Variants in ZNF415 observed in about 807,000 individuals in gnomAD.
The protein encoded by ZNF415 is zinc finger protein 415.
A neutral mutation model predicts 7.3 loss-of-function variants in ZNF415; 5 were observed. The ratio of observed to expected loss-of-function variants is 0.69; its 90% CI spans 0.36 to 1.44. The LOEUF is 1.44. ZNF415 is among the 40% of genes most tolerant of loss of function. The pLI is 0.04. For missense variants in ZNF415, 628 were observed against 664.8 expected (o/e 0.94, Z 0.61); for synonymous variants, 207 against 226.3 (o/e 0.91, Z 0.77).
rs1410295819 is a variant in ZNF415 at position 53,116,609 on chromosome 19, C to CTTTTTTTT, written c.16-177_16-176insAAAAAAAA. On this transcript the variant is annotated intron_variant, in intron 2 of 3. Transcript: ENST00000243643. ...TCTCTCCCTAATTGTGGTTTTTTTT[C>CTTTTTTTT]TCTCTTTTTTTTTTTTTTTGGTTTG... is the stretch of plus-strand genomic sequence containing the variant. Among the ~76,000 whole-genome samples, 473 of 80,886 alleles carry CTTTTTTTT rather than the reference C, an allele frequency of 5.8e-3. 8 individuals carry two copies. Among genetic ancestry groups the CTTTTTTTT allele is most frequent in the African/African-American group, 0.023 (448 of 19,842 alleles). 53.1% of individuals were successfully genotyped at this position (80,886 alleles called of 152,430 possible).
intron 3 of ZNF415, among the ~76,000 whole-genome samples, chr19:53,113,073 C>T (rs1479880856): frequency 2.4e-5 from 3 of 122,488 alleles, no homozygotes; most frequent in African/African-American, 6.4e-5. Flanking sequence ...GCAACAAGAG[C>T]GAAACTCCAT....
At chr19:53,129,410 A>C (rs2089746993) in intron 1 of ZNF415, among the ~76,000 whole-genome samples, 1 of 152,202 alleles carries the variant, frequency 6.6e-6, no homozygotes, top group Admixed American at 6.5e-5. Flanking sequence ...AAAGGCCCCG[A>C]AGATGGTCTC....
At chr19:53,116,144 GA>G in intron 3 of ZNF415, 168 bp downstream of exon 3, 2 of 803,820 alleles carry the variant, frequency 2.5e-6, no homozygotes, top group South Asian at 1.8e-5. Context: ...AGAAAATCTG[GA>G]AAAAGGGGAT....
intron 3 of ZNF415, among the ~76,000 whole-genome samples, chr19:53,110,653 C>T (rs2086093850): frequency 6.6e-6 from 1 of 152,168 alleles, no homozygotes; most frequent in Non-Finnish European, 1.5e-5. Flanking sequence ...AGTAACTACA[C>T]TTGTACAAAG....
Position 53,109,154 on chromosome 19 carries a change from C to A in ZNF415, c.891G>T (p.Glu297Asp), listed in dbSNP as rs1600986156. The A allele has an allele frequency of 6.2e-7, 1 of 1,614,108 alleles. No homozygotes were observed. Among genetic ancestry groups the A allele is most frequent in the Non-Finnish European group, 8.5e-7 (1 of 1,180,020 alleles). The change falls in exon 4 of 4, where the codon GAG becomes GAT. Residue 297 changes from glutamate to aspartate, a missense_variant. Transcript: ENST00000243643. ...LALHRRVHTG[E>D]KPYKCYECDK... The stretch of plus-strand genomic sequence containing the variant: ...CACACTCATAACATTTGTAAGGTTT[C>A]TCTCCAGTGTGAACTCTCCGATGTA...
intron 2 of ZNF415, among the ~76,000 whole-genome samples, chr19:53,118,289 T>C (rs55816705): frequency 0.12 from 18,029 of 152,110 alleles, 1,150 homozygotes; most frequent in African/African-American, 0.17. Flanking sequence ...CACCCAACAC[T>C]GGAGCATCCA....
At chr19:53,129,082 C>A (rs1448244467) in intron 1 of ZNF415, among the ~76,000 whole-genome samples, 1 of 152,014 alleles carries the variant, frequency 6.6e-6, no homozygotes, top group East Asian at 1.9e-4. Context: ...TCAGTCTAGA[C>A]CCGAAGGAGG....
chr19:53,110,017 T>G, intron 3 of ZNF415, 109 bp from the exon 4 acceptor site: 1 of 836,188 alleles, frequency 1.2e-6, no homozygotes, highest in Non-Finnish European at 1.7e-6. Context: ...ACAACAGAGT[T>G]ATAAAACTTC....
chr19:53,119,834 AC>A (rs1301142988), intron 2 of ZNF415, among the ~76,000 whole-genome samples: 1 of 152,104 alleles, frequency 6.6e-6, no homozygotes, highest in Non-Finnish European at 1.5e-5. Flanking sequence ...GACACGAAGC[AC>A]CAAGACTGAA....
intron 2 of ZNF415, among the ~76,000 whole-genome samples, chr19:53,119,664 C>T (rs998284910): frequency 2.0e-5 from 3 of 151,652 alleles, no homozygotes; most frequent in Admixed American, 2.0e-4. Context: ...CTATAAACTA[C>T]TAGCTAGATT....
chr19:53,127,151 C>T (rs1453439281), intron 1 of ZNF415, among the ~76,000 whole-genome samples: 5 of 147,122 alleles, frequency 3.4e-5, no homozygotes, highest in Admixed American at 6.9e-5. Flanking sequence ...GATAATCACT[C>T]CCTCTTGAGT....
At chr19:53,119,115 TAA>T (rs545716397) in intron 2 of ZNF415, among the ~76,000 whole-genome samples, 31 of 151,802 alleles carry the variant, frequency 2.0e-4, no homozygotes, top group Middle Eastern at 3.4e-3. Context: ...CCGCTTCTAC[TAA>T]AAAAATACAA....
chr19:53,128,687 T>C (rs1057192215), intron 1 of ZNF415, among the ~76,000 whole-genome samples: 26 of 116,592 alleles, frequency 2.2e-4, no homozygotes, highest in Middle Eastern at 4.4e-3. Flanking sequence ...GCGGGGCTTT[T>C]CAGGCCTCAG....
At chr19:53,117,770 C>T (rs1568569544) in intron 2 of ZNF415, among the ~76,000 whole-genome samples, 1 of 151,974 alleles carries the variant, frequency 6.6e-6, no homozygotes, top group Non-Finnish European at 1.5e-5. Flanking sequence ...CAATATTGGC[C>T]GTCATGAAAA....
chr19:53,130,489 T>C (rs1254316725), intron 1 of ZNF415, among the ~76,000 whole-genome samples: 2 of 152,284 alleles, frequency 1.3e-5, no homozygotes, highest in Middle Eastern at 3.4e-3. Context: ...TGCCATGAGC[T>C]GATTATAGGA....
chr19:53,120,498 G>T (rs774195559), intron 2 of ZNF415, among the ~76,000 whole-genome samples: 8 of 152,112 alleles, frequency 5.3e-5, no homozygotes, highest in Non-Finnish European at 1.2e-4. Flanking sequence ...TGAGACCTGT[G>T]TGAGGGTGTA....
intron 3 of ZNF415, among the ~76,000 whole-genome samples, chr19:53,111,459 C>T (rs2086235984): frequency 1.3e-5 from 2 of 151,196 alleles, no homozygotes; most frequent in African/African-American, 4.9e-5. Context: ...TCTCCTGCCT[C>T]AGTCTCCCAA....
intron 1 of ZNF415, among the ~76,000 whole-genome samples, chr19:53,130,871 A>C (rs970777491): frequency 4.6e-5 from 7 of 151,890 alleles, no homozygotes; most frequent in African/African-American, 1.2e-4. Context: ...GTCTTGAACT[A>C]CTGACCTTGT....
At chr19:53,130,643 A>G (rs2089941149) in intron 1 of ZNF415, among the ~76,000 whole-genome samples, 1 of 152,166 alleles carries the variant, frequency 6.6e-6, no homozygotes, top group Non-Finnish European at 1.5e-5. Flanking sequence ...ACAAAAAGCA[A>G]CAACACTTTT....
Sources: gnomAD v4.1 joint callset for allele counts (sites outside exome capture counted in the v4.1 genomes callset) on GRCh38, gnomAD v4.1.1 for gene constraint, MANE v1.5 for transcripts, NCBI Gene and HGNC (gene_info 2026-07-23, HGNC 2026-07-21) for gene names.